Variants in MYO3A observed in about 807,000 individuals in gnomAD.
MYO3A encodes the protein myosin IIIA.
MYO3A carries 180 observed loss-of-function variants against 192.7 expected under a neutral mutation model. The ratio of observed to expected loss-of-function variants is 0.93; its 90% CI spans 0.83 to 1.06. The LOEUF (loss-of-function observed/expected upper bound fraction) is 1.06, where lower values mean the gene tolerates loss of function less well. Among genes scored for constraint, MYO3A ranks in the 50% least tolerant of loss-of-function variants. MYO3A has a pLI of 0.00. For missense variants in MYO3A, 1,896 were observed against 1,905.0 expected, an observed-to-expected ratio of 1.00 and a Z score of 0.09; for synonymous variants, 628 against 645.3, an observed-to-expected ratio of 0.97 and a Z score of 0.41.
chr10:26,119,447 C>G (rs1340836936), intron 17 of MYO3A, among the ~76,000 whole-genome samples: 1 of 152,142 alleles, frequency 6.6e-6, no homozygotes, highest in Non-Finnish European at 1.5e-5. Context: ...AGATATCCCA[C>G]ATATATATTC....
chr10:26,027,644 C>A (rs1417493028), intron 10 of MYO3A, among the ~76,000 whole-genome samples: 1 of 152,150 alleles, frequency 6.6e-6, no homozygotes, highest in Non-Finnish European at 1.5e-5. Flanking sequence ...TGCGCCCAGC[C>A]AAACATTTTA....
At chr10:26,027,528 A>G (rs1239500688) in intron 10 of MYO3A, among the ~76,000 whole-genome samples, 3 of 151,992 alleles carry the variant, frequency 2.0e-5, no homozygotes, top group Non-Finnish European at 4.4e-5. Context: ...TATTTTTAGT[A>G]TAGACGAGGT....
In MYO3A at chr10:26,070,212, T is replaced by C. The variant is rs1232445975; in HGVS notation, c.1272T>C (p.Asp424=). 1 of 1,607,678 alleles carries C rather than the reference T, an allele frequency of 6.2e-7. No individual in the cohort carries two copies. The highest frequency in any genetic ancestry group is 1.7e-5 in the Admixed American group (1 of 59,984). ...AATCTATGATAACATATAATTCAGA[T>C]CAGGTAAGAAGAGTCTCCCATTCTT... ...GYQSMITYNS[D]QCIVISGESG... is the part of the protein sequence containing the mutation. The change falls in exon 13 of 35, where the codon GAT becomes GAC. Residue 424 remains aspartate, a synonymous_variant. Transcript: ENST00000642920.
intron 4 of MYO3A, among the ~76,000 whole-genome samples, chr10:25,988,939 C>CTTTTTTTTTTTTTTTTTT (rs56308717): frequency 8.5e-6 from 1 of 117,016 alleles, no homozygotes; most frequent in Non-Finnish European, 1.8e-5. Context: ...CCCTAAAACT[C>CTTTTTTTTTTTTTTTTTT]TTTTTTTTTT....
At chr10:25,983,488 A>C (rs1463661987) in intron 4 of MYO3A, among the ~76,000 whole-genome samples, 1 of 152,028 alleles carries the variant, frequency 6.6e-6, no homozygotes, top group African/African-American at 2.4e-5. Context: ...CGATCTCCTG[A>C]CCTTGTGATC....
intron 6 of MYO3A, among the ~76,000 whole-genome samples, chr10:26,003,058 G>A (rs1840951535): frequency 6.6e-6 from 1 of 152,134 alleles, no homozygotes; most frequent in South Asian, 2.1e-4. Context: ...ATATAATTAT[G>A]TGACAATGAG....
intron 10 of MYO3A, among the ~76,000 whole-genome samples, chr10:26,051,672 C>T (rs958224010): frequency 6.6e-6 from 1 of 151,074 alleles, no homozygotes; most frequent in Non-Finnish European, 1.5e-5. Flanking sequence ...TAGCGGCTTG[C>T]CATCCCCCAC....
At chr10:25,977,210 A>G (rs978800475) in intron 4 of MYO3A, among the ~76,000 whole-genome samples, 2 of 152,212 alleles carry the variant, frequency 1.3e-5, no homozygotes, top group Admixed American at 1.3e-4. Context: ...AGTTATCAAC[A>G]GTCTGCTTAA....
chr10:26,100,039 C>A (rs1837334041), intron 17 of MYO3A, among the ~76,000 whole-genome samples: 1 of 152,124 alleles, frequency 6.6e-6, no homozygotes, highest in Non-Finnish European at 1.5e-5. Context: ...TCCATCTGGT[C>A]CTGGACTTTT....
chr10:26,015,778 A>T (rs1049380614), intron 6 of MYO3A, among the ~76,000 whole-genome samples: 2 of 152,168 alleles, frequency 1.3e-5, no homozygotes, highest in African/African-American at 4.8e-5. Flanking sequence ...CTGTCTAAGT[A>T]TATTTCCAAT....
intron 6 of MYO3A, among the ~76,000 whole-genome samples, chr10:26,004,441 T>C (rs1841050987): frequency 6.6e-6 from 1 of 151,158 alleles, no homozygotes; most frequent in Non-Finnish European, 1.5e-5. Context: ...CTGTTTATAT[T>C]AATATATATA....
intron 4 of MYO3A, among the ~76,000 whole-genome samples, chr10:25,968,799 C>A (rs1270611272): frequency 6.6e-6 from 1 of 152,222 alleles, no homozygotes; most frequent in Non-Finnish European, 1.5e-5. Context: ...GGTCCTGCTC[C>A]ATCCCACCCA....
intron 34 of MYO3A, among the ~76,000 whole-genome samples, chr10:26,205,463 CTTTTTT>C (rs759042803): frequency 3.1e-4 from 31 of 98,696 alleles, no homozygotes; most frequent in African/African-American, 1.1e-3. Context: ...GTGTGCTTGT[CTTTTTT>C]TTTTTTTTTT....
intron 6 of MYO3A, among the ~76,000 whole-genome samples, chr10:26,010,450 G>GTTTTTTT (rs778349166): frequency 1.3e-3 from 143 of 111,220 alleles, no homozygotes; most frequent in Middle Eastern, 6.0e-3. Context: ...CTAAGTAGTT[G>GTTTTTTT]TTTTTTTTTT....
In MYO3A at chr10:26,174,539, G is replaced by C. The variant is rs901335650; in HGVS notation, c.4275G>C (p.Leu1425Phe). The change falls in exon 30 of 35, where the codon TTG (leucine) becomes TTC (phenylalanine). Residue 1425 changes from leucine (L) to phenylalanine (F), a missense_variant. Transcript: ENST00000642920. Reference sequence around the variant, plus strand: ...CTTCAGAAAGAGAAGCATGTGGTTTGGCAATTTTTTCAAAACAGGTATGTG... The same window carrying C: ...CTTCAGAAAGAGAAGCATGTGGTTTCGCAATTTTTTCAAAACAGGTATGTG... The part of the protein sequence containing the change: ...KATSEREACG[L>F]AIFSKQISKL... The C allele has an allele frequency of 6.2e-7, 1 of 1,613,730 alleles. No homozygotes were observed.
rs756926993 is a variant in MYO3A, at chr10:26,096,557, A to ATTTT, written c.1662-6_1662-3dup. On this transcript the variant is annotated splice_polypyrimidine_tract_variant and intron_variant, in intron 16 of 34. Coordinates refer to ENST00000642920, the MANE Select transcript of MYO3A (RefSeq NM_017433.5). ...TTTAGACTTTTATCCTTCCTTTTAT[A>ATTTT]TTTTTTTTAGGTACCTACAAAATGA... 1 of 1,590,734 alleles carries ATTTT rather than the reference A, an allele frequency of 6.3e-7. No homozygotes were observed. Among genetic ancestry groups the ATTTT allele is most frequent in the Non-Finnish European group, 8.6e-7 (1 of 1,159,406 alleles).
intron 10 of MYO3A, among the ~76,000 whole-genome samples, chr10:26,049,650 ATTCTTTCT>A (rs751350009): frequency 5.2e-5 from 6 of 116,340 alleles, no homozygotes; most frequent in African/African-American, 1.5e-4. Context: ...CAAAGATGAA[ATTCTTTCT>A]TTCTTTCTTT....
intron 29 of MYO3A, 133 bp downstream of exon 29, chr10:26,170,672 C>A: frequency 2.1e-6 from 2 of 945,246 alleles, no homozygotes; most frequent in Non-Finnish European, 3.2e-6. Context: ...TCAGTGAACA[C>A]CCAGAGGCTA....
intron 4 of MYO3A, 114 bp downstream of exon 4, chr10:25,955,122 G>A: frequency 7.0e-7 from 1 of 1,438,112 alleles, no homozygotes; most frequent in Non-Finnish European, 9.7e-7. Flanking sequence ...ATAAGTTCCT[G>A]ACCAGCCATG....
Sources: allele counts gnomAD v4.1 joint callset (sites outside exome capture counted in the v4.1 genomes callset), GRCh38; gene constraint gnomAD v4.1.1; transcripts MANE v1.5; gene names NCBI Gene and HGNC (gene_info 2026-07-23, HGNC 2026-07-21).